The following NDUFA6 variants were observed in gnomAD, a reference collection of about 807,000 sequenced individuals.
The protein encoded by NDUFA6 is NADH dehydrogenase [ubiquinone] 1 alpha subcomplex subunit 6.
A neutral mutation model predicts 12.5 loss-of-function variants in NDUFA6; 10 were observed. That is an observed-to-expected ratio of 0.80 (90% CI 0.49 to 1.35). The LOEUF is 1.35. Among genes scored for constraint, NDUFA6 ranks in the 40% most tolerant of loss-of-function variants. The pLI, the probability that NDUFA6 is intolerant of heterozygous loss-of-function variation, is 0.00. For missense variants in NDUFA6, 177 were observed against 173.5 expected, an observed-to-expected ratio of 1.02 and a Z score of -0.11; for synonymous variants, 66 against 63.0, an observed-to-expected ratio of 1.05 and a Z score of -0.23.
intron 1 of NDUFA6, 147 bp from the exon 2 acceptor site, chr22:42,087,322 G>C: frequency 4.4e-6 from 3 of 684,964 alleles, no homozygotes; most frequent in Non-Finnish European, 8.0e-6. Flanking sequence ...TTGAGGATGA[G>C]ACATGTGATT....
At chr22:42,088,358 G>C (rs1928401210) in intron 1 of NDUFA6, among the ~76,000 whole-genome samples, 1 of 151,912 alleles carries the variant, frequency 6.6e-6, no homozygotes, top group African/African-American at 2.4e-5. Flanking sequence ...AGTGAGCCGA[G>C]ATTGCGCCAC....
Position 42,085,786 on chromosome 22 carries a change from C to A in NDUFA6, c.*397G>T, listed in dbSNP as rs755304213. The stretch of plus-strand genomic sequence containing the variant: ...AGCTCTACTTTTGCGCCTGTTAGTG[C>A]TGCCCTGATCCCTGACAGGAAGAGC... On this transcript the variant is annotated 3_prime_UTR_variant, in exon 3 of 3. Coordinates refer to ENST00000498737, the MANE Select transcript of NDUFA6 (RefSeq NM_002490.6). The A allele has an allele frequency of 3.0e-6, 1 of 329,686 alleles. No individual in the cohort carries two copies. The highest frequency in any genetic ancestry group is 5.8e-6 in the Non-Finnish European group (1 of 171,574). The allele number at this position is 329,686 out of a possible 1,614,324, so 20.4% of individuals were successfully genotyped here. A position where few individuals can be genotyped will look rare whatever the true frequency, so the allele number is the denominator to read the frequency against.
intron 1 of NDUFA6, 68 bp downstream of exon 1, chr22:42,090,538 C>A: frequency 6.3e-7 from 1 of 1,589,552 alleles, no homozygotes; most frequent in Non-Finnish European, 8.6e-7. Flanking sequence ...CCATGAGAAA[C>A]CCCGGCCGGG....
chr22:42,087,880 G>T lies in NDUFA6; in HGVS notation c.140-705C>A, dbSNP rs572652054. The stretch of plus-strand genomic sequence containing the variant: ...CCCAGCACTTTGGGAGGCCAAGGCA[G>T]GTGGATCACCTGAGGTCAGGAGTTC... On this transcript the variant is annotated intron_variant, in intron 1 of 2. Transcript: ENST00000498737. Among the ~76,000 whole-genome samples, 376 of 151,040 alleles carry T rather than the reference G, an allele frequency of 2.5e-3. 1 individual carries two copies. The highest frequency in any genetic ancestry group is 8.7e-3 in the African/African-American group (358 of 41,090).
intron 1 of NDUFA6, among the ~76,000 whole-genome samples, chr22:42,089,077 A>G (rs991369925): frequency 6.6e-6 from 1 of 151,974 alleles, no homozygotes; most frequent in African/African-American, 2.4e-5. Context: ...TTCTTCCCAA[A>G]ACAGAATTTG....
chr22:42,087,229 G>A (rs9611732), intron 1 of NDUFA6, 54 bp from the exon 2 acceptor site: 8 of 1,302,778 alleles, frequency 6.1e-6, no homozygotes, highest in Non-Finnish European at 6.7e-6. Flanking sequence ...ATAAAACCTA[G>A]AGTCAAATGA....
At chr22:42,088,736 A>T (rs1291057520) in intron 1 of NDUFA6, among the ~76,000 whole-genome samples, 2 of 151,920 alleles carry the variant, frequency 1.3e-5, no homozygotes, top group African/African-American at 4.8e-5. Context: ...AAAAAAAAAA[A>T]AAAAAAAGTG....
intron 1 of NDUFA6, 45 bp from the exon 2 acceptor site, chr22:42,087,220 T>A: frequency 1.4e-6 from 2 of 1,385,402 alleles, no homozygotes; most frequent in Non-Finnish European, 2.1e-6. Flanking sequence ...TATGGTTAAA[T>A]AAAACCTAGA....
intron 1 of NDUFA6, among the ~76,000 whole-genome samples, chr22:42,088,391 G>C (rs1928404677): frequency 1.3e-5 from 2 of 151,116 alleles, no homozygotes; most frequent in South Asian, 2.1e-4. Context: ...TCCGGCCTGG[G>C]CGACAGAGCG....
At chr22:42,088,675 C>T (rs61479306) in intron 1 of NDUFA6, among the ~76,000 whole-genome samples, 3 of 145,810 alleles carry the variant, frequency 2.1e-5, no homozygotes, top group Non-Finnish European at 3.0e-5. Context: ...GAGCCAAGAT[C>T]GCGCCATTGC....
intron 2 of NDUFA6, among the ~76,000 whole-genome samples, 171 bp downstream of exon 2, chr22:42,086,889 T>C (rs1928281871): frequency 6.6e-6 from 1 of 152,228 alleles, no homozygotes. Context: ...ATCTTATCTA[T>C]TTAACCAGAT....
Position 42,086,164 on chromosome 22 carries a change from A to G in NDUFA6, c.*19T>C, listed in dbSNP as rs1022762819. The G allele has an allele frequency of 1.2e-6, 2 of 1,614,256 alleles. No individual in the cohort carries two copies. The highest frequency in any genetic ancestry group is 1.7e-6 in the Non-Finnish European group (2 of 1,180,042). Reference sequence around the variant, plus strand: ...GTGCTCTAAAATAGTATCAACGTGCATCTTTCCACTGAATGACTTCATGGA... The same window carrying G: ...GTGCTCTAAAATAGTATCAACGTGCGTCTTTCCACTGAATGACTTCATGGA... On this transcript the variant is annotated 3_prime_UTR_variant, in exon 3 of 3. Coordinates refer to ENST00000498737, the MANE Select transcript of NDUFA6 (RefSeq NM_002490.6).
rs374848920 is a variant in NDUFA6, at chr22:42,086,157, A to G, written c.*26T>C. 84 of 1,614,124 alleles carry G rather than the reference A, an allele frequency of 5.2e-5. No homozygotes were observed. Among genetic ancestry groups the G allele is most frequent in the Non-Finnish European group, 7.1e-5 (84 of 1,180,042 alleles). On this transcript the variant is annotated 3_prime_UTR_variant, in exon 3 of 3. Transcript: ENST00000498737. ...TTTATTTGTGCTCTAAAATAGTATCAACGTGCATCTTTCCACTGAATGACT... is the reference window on the plus strand; with the variant it reads ...TTTATTTGTGCTCTAAAATAGTATCGACGTGCATCTTTCCACTGAATGACT...
chr22:42,088,330 C>A (rs1237445286), intron 1 of NDUFA6, among the ~76,000 whole-genome samples: 1 of 151,816 alleles, frequency 6.6e-6, no homozygotes, highest in Non-Finnish European at 1.5e-5. Context: ...TGGCGTGAAC[C>A]CGGGAAGCGG....
At chr22:42,090,288 T>G (rs1928552644) in intron 1 of NDUFA6, among the ~76,000 whole-genome samples, 1 of 152,164 alleles carries the variant, frequency 6.6e-6, no homozygotes, top group Admixed American at 6.5e-5. Context: ...GCACATCACT[T>G]CACCTCTCGG....
At position 42,086,235 on chromosome 22, in the gene NDUFA6, G is replaced by A. The variant is rs776731051; in HGVS notation, c.335C>T (p.Ala112Val). 1.4e-5 allele frequency: 22 copies of A among 1,614,182 alleles called. No individual in the cohort carries two copies. The highest frequency in any genetic ancestry group is 1.3e-4 in the Admixed American group (8 of 60,022). ...GGATAGGAAATCCTTTGGCCTTGGC[G>A]CTTCTGTTTCATGGAAGAACCGCAT... ...HVMRFFHETEAPRPKDFLSKF... is the reference protein window; with the variant it reads ...HVMRFFHETEVPRPKDFLSKF... The change falls in exon 3 of 3, where the codon GCG (alanine) becomes GTG (valine). Residue 112 changes from alanine to valine, a missense_variant. Ala to Val is a moderately conservative substitution (Grantham distance 64). Around this residue, in one of 3 missense-constraint regions of NDUFA6, gnomAD observed 62 missense variants for 69.4 expected, o/e 0.89. Transcript: ENST00000498737.
chr22:42,088,367 A>ACTGCAGT (rs1180613181), intron 1 of NDUFA6, among the ~76,000 whole-genome samples: 2 of 151,768 alleles, frequency 1.3e-5, no homozygotes, highest in African/African-American at 2.4e-5. Flanking sequence ...AGATTGCGCC[A>ACTGCAGT]CTGCAGTCCG....
At chr22:42,086,437 CTCTG>C (rs1343792919) in intron 2 of NDUFA6, 123 bp from the exon 3 acceptor site, 31 of 1,309,462 alleles carry the variant, frequency 2.4e-5, no homozygotes, top group Admixed American at 6.9e-5. Flanking sequence ...CAAGTAACTA[CTCTG>C]TCTGGGCAAA....
In NDUFA6 at chr22:42,090,746, T is replaced by C. The variant is rs1928612939; in HGVS notation, c.-2A>G. ...TTGGCGGACGCCGCTCCCCGCCATCTTGCCAAAGCATCCACTCCACAACCC... is the reference window on the plus strand; with the variant it reads ...TTGGCGGACGCCGCTCCCCGCCATCCTGCCAAAGCATCCACTCCACAACCC... On this transcript the variant is annotated 5_prime_UTR_variant, in exon 1 of 3. Transcript: ENST00000498737. The C allele has an allele frequency of 6.2e-7, 1 of 1,614,196 alleles. No individual in the cohort carries two copies. The highest frequency in any genetic ancestry group is 8.5e-7 in the Non-Finnish European group (1 of 1,180,034).
Sources: allele counts gnomAD v4.1 joint callset (sites outside exome capture counted in the v4.1 genomes callset), GRCh38; gene constraint gnomAD v4.1.1; regional missense constraint gnomAD v4.1.1; transcripts MANE v1.5; gene names NCBI Gene and HGNC (gene_info 2026-07-23, HGNC 2026-07-21).